Variants in RAP1GDS1 observed in about 807,000 individuals in gnomAD.
RAP1GDS1 encodes the protein RAP1, GTP-GDP dissociation stimulator 1.
RAP1GDS1 carries 35 observed loss-of-function variants against 71.1 expected under a neutral mutation model. That is an observed-to-expected ratio of 0.49 (90% CI 0.38 to 0.65). The LOEUF is 0.65. Ranked by LOEUF, RAP1GDS1 falls within the 30% of genes least tolerant of loss-of-function variation. The pLI is 0.00. For missense variants in RAP1GDS1, 663 were observed against 706.1 expected, an observed-to-expected ratio of 0.94 and a Z score of 0.69; for synonymous variants, 229 against 243.1, an observed-to-expected ratio of 0.94 and a Z score of 0.54.
chr4:98,293,038 A>G (rs1022651845), intron 1 of RAP1GDS1, among the ~76,000 whole-genome samples: 1 of 152,184 alleles, frequency 6.6e-6, no homozygotes, highest in Non-Finnish European at 1.5e-5. Flanking sequence ...GAGGAAGTGA[A>G]CAATGAAATA....
At chr4:98,402,805 G>A (rs1745620206) in intron 6 of RAP1GDS1, among the ~76,000 whole-genome samples, 2 of 152,142 alleles carry the variant, frequency 1.3e-5, no homozygotes, top group South Asian at 4.2e-4. Context: ...TTTATACCAG[G>A]GACTATTCTG....
intron 2 of RAP1GDS1, among the ~76,000 whole-genome samples, chr4:98,311,487 C>T: frequency 6.6e-6 from 1 of 152,136 alleles, no homozygotes; most frequent in East Asian, 1.9e-4. Flanking sequence ...AGGGGGAGAA[C>T]ACCGTAGGAA....
intron 4 of RAP1GDS1, among the ~76,000 whole-genome samples, chr4:98,353,566 A>C (rs1737522097): frequency 1.3e-5 from 2 of 152,228 alleles, no homozygotes. Flanking sequence ...GTTATAACTC[A>C]TATATAGCAG....
At chr4:98,298,089 CTGAT>C (rs1430591926) in intron 2 of RAP1GDS1, among the ~76,000 whole-genome samples, 1 of 152,170 alleles carries the variant, frequency 6.6e-6, no homozygotes, top group African/African-American at 2.4e-5. Context: ...GAGCAGGGCT[CTGAT>C]TGTCTTCAGT....
chr4:98,420,366 G>A (rs9991874), intron 11 of RAP1GDS1, among the ~76,000 whole-genome samples: 18,240 of 143,464 alleles, frequency 0.13, 1,447 homozygotes, highest in African/African-American at 0.25. Context: ...TTATTTATTT[G>A]TTTATTTATT....
chr4:98,265,198 G>T (rs1722556467), intron 1 of RAP1GDS1, among the ~76,000 whole-genome samples: 1 of 152,162 alleles, frequency 6.6e-6, no homozygotes, highest in Admixed American at 6.6e-5. Flanking sequence ...ATGGCAACGG[G>T]AATAGAATAT....
At chr4:98,438,586 A>C (rs1208540401) in intron 14 of RAP1GDS1, among the ~76,000 whole-genome samples, 1 of 129,528 alleles carries the variant, frequency 7.7e-6, no homozygotes, top group Non-Finnish European at 1.6e-5. Context: ...ATATATATAT[A>C]TATCTTTTTT....
chr4:98,265,849 C>T (rs1722653545), intron 1 of RAP1GDS1, among the ~76,000 whole-genome samples: 1 of 152,040 alleles, frequency 6.6e-6, no homozygotes, highest in Admixed American at 6.6e-5. Flanking sequence ...GGACTGAGAA[C>T]AGGCTCTAAG....
At chr4:98,339,080 A>G (rs1267765311) in intron 2 of RAP1GDS1, among the ~76,000 whole-genome samples, 3 of 152,220 alleles carry the variant, frequency 2.0e-5, no homozygotes, top group East Asian at 1.9e-4. Flanking sequence ...AACTCTGCTC[A>G]TATGACATTA....
intron 5 of RAP1GDS1, among the ~76,000 whole-genome samples, chr4:98,383,219 T>C (rs1359353085): frequency 6.6e-6 from 1 of 151,628 alleles, no homozygotes; most frequent in East Asian, 1.9e-4. Flanking sequence ...GAAAATTCTA[T>C]TATAACTCTT....
chr4:98,308,134 G>C (rs1729611088), intron 2 of RAP1GDS1, among the ~76,000 whole-genome samples: 1 of 150,956 alleles, frequency 6.6e-6, no homozygotes. Context: ...CTCTATCAAA[G>C]AATATATATA....
Position 98,349,525 on chromosome 4 carries a change from G to A in RAP1GDS1, c.236-2951G>A, listed in dbSNP as rs1451627703. Among the ~76,000 whole-genome samples, 3 of 152,190 alleles carry A rather than the reference G, an allele frequency of 2.0e-5. No homozygotes were observed. In the South Asian group the frequency reaches 6.2e-4, roughly 31 times the overall value. On this transcript the variant is annotated intron_variant, in intron 3 of 14. Coordinates refer to ENST00000408927, the MANE Select transcript of RAP1GDS1 (RefSeq NM_001100427.2). ...GAAGGAAGTCATTGGTAGCTTGATG[G>A]GGATGGCATTGAATCTATAAATTAC...
chr4:98,420,773 A>G (rs1276914248), intron 11 of RAP1GDS1, among the ~76,000 whole-genome samples: 1 of 152,084 alleles, frequency 6.6e-6, no homozygotes, highest in African/African-American at 2.4e-5. Flanking sequence ...GTGTTTTGGC[A>G]TTCTATACCC....
In RAP1GDS1 at chr4:98,417,398, A is replaced by G. The variant is rs34392334; in HGVS notation, c.939A>G (p.Gly313=). The G allele has an allele frequency of 1.0e-3, 1,656 of 1,612,706 alleles. 23 individuals are homozygous for G. The African/African-American group carries it at 0.02, about 19-fold the overall frequency. The change falls in exon 9 of 15, where the codon GGA becomes GGG. Residue 313 remains glycine (G), a synonymous_variant. Coordinates refer to ENST00000408927, the MANE Select transcript of RAP1GDS1 (RefSeq NM_001100427.2). ...CCATGCAGAAGTTATTTGAAGGAGG[A>G]AAAGGTAGTGTATTTCAAAGGGTAC... ...DESMQKLFEG[G]KGSVFQRVLS... is the part of the protein sequence containing the mutation.
At chr4:98,336,214 A>T (rs1480329405) in intron 2 of RAP1GDS1, among the ~76,000 whole-genome samples, 2 of 152,180 alleles carry the variant, frequency 1.3e-5, no homozygotes, top group African/African-American at 4.8e-5. Context: ...TTCTTGGTGA[A>T]CAATCTAGTT....
intron 11 of RAP1GDS1, among the ~76,000 whole-genome samples, 199 bp downstream of exon 11, chr4:98,420,343 TTTA>T (rs1301080673): frequency 6.8e-6 from 1 of 146,126 alleles, no homozygotes; most frequent in East Asian, 1.9e-4. Context: ...ATATTATTTA[TTTA>T]TTTATTTATT....
chr4:98,293,391 T>C lies in RAP1GDS1; in HGVS notation c.5-17T>C. On this transcript the variant is annotated splice_polypyrimidine_tract_variant and intron_variant, in intron 1 of 14. Coordinates refer to ENST00000408927, the MANE Select transcript of RAP1GDS1 (RefSeq NM_001100427.2). Reference sequence around the variant, plus strand: ...GTCATAAGGTTGAGTTTCTGATTTTTTTTTTTCTTTAAGCAGATAATCTCA... The same window carrying C: ...GTCATAAGGTTGAGTTTCTGATTTTCTTTTTTCTTTAAGCAGATAATCTCA... 3 of 1,547,400 alleles carry C rather than the reference T, an allele frequency of 1.9e-6. No individual in the cohort carries two copies. Among genetic ancestry groups the C allele is most frequent in the Non-Finnish European group, 2.6e-6 (3 of 1,141,038 alleles).
rs73832189 is a variant in RAP1GDS1 at position 98,264,887 on chromosome 4, C to G, written c.4+3318C>G. Among the ~76,000 whole-genome samples, 755 of 152,262 alleles carry G rather than the reference C, an allele frequency of 5.0e-3. 7 individuals carry two copies. Among genetic ancestry groups the G allele is most frequent in the South Asian group, 0.018 (87 of 4,832 alleles). ...TATGAATTTCCAGGATATGATTAAACAGCATTGTTTGGCTAGAGCAAAAGG... is the reference window on the plus strand; with the variant it reads ...TATGAATTTCCAGGATATGATTAAAGAGCATTGTTTGGCTAGAGCAAAAGG... On this transcript the variant is annotated intron_variant, in intron 1 of 14. Coordinates refer to ENST00000408927, the MANE Select transcript of RAP1GDS1 (RefSeq NM_001100427.2).
At chr4:98,329,295 T>A (rs932858110) in intron 2 of RAP1GDS1, among the ~76,000 whole-genome samples, 5 of 152,228 alleles carry the variant, frequency 3.3e-5, no homozygotes, top group African/African-American at 1.2e-4. Context: ...TCCTTAAATC[T>A]GGAAAACAGA....
Sources: allele counts gnomAD v4.1 joint callset (sites outside exome capture counted in the v4.1 genomes callset), GRCh38; gene constraint gnomAD v4.1.1; transcripts MANE v1.5; gene names NCBI Gene and HGNC (gene_info 2026-07-23, HGNC 2026-07-21).